The following MED15 variants were observed in gnomAD, a reference collection of about 807,000 sequenced individuals.
The protein encoded by MED15 is mediator complex subunit 15.
In MED15, 41 loss-of-function variants were observed where a neutral mutation model predicts 118.7. The observed-to-expected ratio is 0.35, with a 90% confidence interval of 0.27 to 0.45. The LOEUF is 0.45. MED15 is among the 20% of genes least tolerant of loss of function. MED15 has a pLI of 1.00. For missense variants in MED15, 740 were observed against 1,025.5 expected (o/e 0.72, Z 3.80); for synonymous variants, 436 against 413.9 (o/e 1.05, Z -0.65).
At chr22:20,535,858 C>G (rs2055055482) in intron 1 of MED15, among the ~76,000 whole-genome samples, 1 of 143,714 alleles carries the variant, frequency 7.0e-6, no homozygotes, top group South Asian at 2.2e-4. Flanking sequence ...CGTGCTCAGC[C>G]TGCTTCTTTC....
chr22:20,555,594 C>T (rs1193379845), intron 5 of MED15, among the ~76,000 whole-genome samples: 3 of 152,246 alleles, frequency 2.0e-5, no homozygotes, highest in Non-Finnish European at 2.9e-5. Context: ...TATCTTCTGG[C>T]TTCCTTTCTG....
At chr22:20,541,690 G>A (rs1490989747) in intron 2 of MED15, among the ~76,000 whole-genome samples, 3 of 141,726 alleles carry the variant, frequency 2.1e-5, no homozygotes, top group East Asian at 2.0e-4. Flanking sequence ...TCGCTCTGTC[G>A]CCAGGCTAGA....
At position 20,587,569 on chromosome 22, in the gene MED15, T is replaced by C; in HGVS notation, c.*865T>C. On this transcript the variant is annotated 3_prime_UTR_variant, in exon 18 of 18. Transcript: ENST00000263205. ...GGTGAGAAGAGGTCCCCCCTTTTTATGTGCACTACCCCACCATCTGTGATT... is the reference window on the plus strand; with the variant it reads ...GGTGAGAAGAGGTCCCCCCTTTTTACGTGCACTACCCCACCATCTGTGATT... 1 of 401,520 alleles carries C rather than the reference T, an allele frequency of 2.5e-6. No homozygotes were observed. The highest frequency in any genetic ancestry group is 4.2e-6 in the Non-Finnish European group (1 of 237,306). The allele number at this position is 401,520 out of a possible 1,614,324, so 24.9% of individuals were successfully genotyped here. A position where few individuals can be genotyped will look rare whatever the true frequency, so the allele number is the denominator to read the frequency against.
At chr22:20,568,500 A>G (rs766656818) in intron 7 of MED15, 21 bp from the exon 8 acceptor site, 61 of 1,611,824 alleles carry the variant, frequency 3.8e-5, no homozygotes, top group Non-Finnish European at 1.4e-5. Flanking sequence ...TCCAAATCAC[A>G]TTCTCTCTTT....
At position 20,560,997 on chromosome 22, in the gene MED15, A is replaced by G. The variant is rs547926579; in HGVS notation, c.452-3453A>G. 5.3e-5 allele frequency among the ~76,000 whole-genome samples: 8 copies of G among 152,286 alleles called. No individual in the cohort carries two copies. In the East Asian group the frequency reaches 1.5e-3, roughly 29 times the overall value. On this transcript the variant is annotated intron_variant, in intron 5 of 17. Coordinates refer to ENST00000263205, the MANE Select transcript of MED15 (RefSeq NM_001003891.3). ...ATCGGTTCTGTCGGGTACATATAAA[A>G]CCTACTTTAAAAAGTAGTAAATTTG...
chr22:20,555,323 A>G (rs2055953031), intron 5 of MED15, among the ~76,000 whole-genome samples, 175 bp downstream of exon 5: 1 of 152,106 alleles, frequency 6.6e-6, no homozygotes, highest in East Asian at 1.9e-4. Flanking sequence ...ATTTTCGTTG[A>G]GCTCCCAGAA....
rs570070190 is a variant in MED15 at position 20,528,567 on chromosome 22, C to T, written c.69-8550C>T. On this transcript the variant is annotated intron_variant, in intron 1 of 17. Transcript: ENST00000263205. ...CTCTGCTCACCTACTGCTGTGAGGC[C>T]TGGTTCCTAACAGCCCACAGACCTG... Among the ~76,000 whole-genome samples the T allele has an allele frequency of 1.6e-4, 25 of 152,284 alleles. No individual in the cohort carries two copies. In the East Asian group the frequency reaches 2.1e-3, roughly 13 times the overall value.
At chr22:20,584,089 T>C in intron 13 of MED15, 3 of 520,686 alleles carry the variant, frequency 5.8e-6, no homozygotes, top group Non-Finnish European at 1.0e-5. Context: ...GGGACTGGCC[T>C]ACATGACAAT....
intron 1 of MED15, among the ~76,000 whole-genome samples, chr22:20,530,584 A>G (rs955190915): frequency 6.7e-6 from 1 of 149,224 alleles, no homozygotes; most frequent in African/African-American, 2.5e-5. Flanking sequence ...TGGCAGGGGG[A>G]GCAGTGGTAA....
At chr22:20,573,850 G>A (rs1445137629) in intron 8 of MED15, 3 of 152,224 alleles carry the variant, frequency 2.0e-5, no homozygotes, top group Non-Finnish European at 4.4e-5. Context: ...CTCCTCCGAA[G>A]TGCCGCAGGT....
rs1354596770 is a variant in MED15 at position 20,585,778 on chromosome 22, G to C, written c.2182G>C (p.Asp728His). The change falls in exon 17 of 18, where the codon GAC (aspartate) becomes CAC (histidine). Residue 728 changes from aspartate (D) to histidine (H), a missense_variant. Asp to His is a moderately conservative substitution (Grantham distance 81). Around this residue, in one of 7 missense-constraint regions of MED15, gnomAD observed 179 missense variants for 259.0 expected, o/e 0.69. Transcript: ENST00000263205. ...VPPLELSVPADYPAQSPLWID... is the reference protein window; with the variant it reads ...VPPLELSVPAHYPAQSPLWID... ...ACCACTGGAGCTCAGTGTGCCCGCTGACTATCCTGCCCAAAGCCCGCTGTG... is the reference window on the plus strand; with the variant it reads ...ACCACTGGAGCTCAGTGTGCCCGCTCACTATCCTGCCCAAAGCCCGCTGTG... 6.2e-7 allele frequency: 1 copy of C among 1,613,310 alleles called. No homozygotes were observed. Among genetic ancestry groups the C allele is most frequent in the African/African-American group, 1.3e-5 (1 of 74,912 alleles).
chr22:20,585,788 C>T lies in MED15; in HGVS notation c.2192C>T (p.Ala731Val). 6.2e-7 allele frequency: 1 copy of T among 1,613,456 alleles called. No homozygotes were observed. Among genetic ancestry groups the T allele is most frequent in the East Asian group, 2.2e-5 (1 of 44,884 alleles). ...CTCAGTGTGCCCGCTGACTATCCTG[C>T]CCAAAGCCCGCTGTGGATAGACCGG... ...LELSVPADYP[A>V]QSPLWIDRQW... Residue 731 changes from alanine to valine, a missense_variant, in exon 17 of 18, where the codon GCC becomes GTC. Ala to Val is a moderately conservative substitution (Grantham distance 64). Around this residue, in one of 7 missense-constraint regions of MED15, gnomAD observed 179 missense variants for 259.0 expected, o/e 0.69. Transcript: ENST00000263205.
At chr22:20,527,420 A>G (rs1422699214) in intron 1 of MED15, among the ~76,000 whole-genome samples, 1 of 151,452 alleles carries the variant, frequency 6.6e-6, no homozygotes, top group Non-Finnish European at 1.5e-5. Context: ...ACAATGTAGT[A>G]TAATATTTAT....
chr22:20,508,631 C>T (rs1428981298), intron 1 of MED15, among the ~76,000 whole-genome samples: 3 of 151,932 alleles, frequency 2.0e-5, no homozygotes, highest in Non-Finnish European at 4.4e-5. Context: ...GGGAGAATTA[C>T]AAAGAACCTT....
In MED15 at chr22:20,515,799, T is replaced by C. The variant is rs1259149371; in HGVS notation, c.68+8053T>C. The stretch of plus-strand genomic sequence containing the variant: ...GACTCAGTCTCAAAAAAAAAAAATA[T>C]ATAGACCAACCTGGCCAAGATAATA... On this transcript the variant is annotated intron_variant, in intron 1 of 17. Transcript: ENST00000263205. Among the ~76,000 whole-genome samples, 3 of 150,004 alleles carry C rather than the reference T, an allele frequency of 2.0e-5. No individual in the cohort carries two copies. In the East Asian group the frequency reaches 5.9e-4, roughly 30 times the overall value.
chr22:20,516,363 G>T (rs955746688), intron 1 of MED15, among the ~76,000 whole-genome samples: 1 of 151,870 alleles, frequency 6.6e-6, no homozygotes, highest in Non-Finnish European at 1.5e-5. Context: ...TAAATGAATG[G>T]TTGCTGAACC....
At chr22:20,586,438 G>A (rs1047319428) in intron 17 of MED15, 130 bp from the exon 18 acceptor site, 12 of 1,373,594 alleles carry the variant, frequency 8.7e-6, no homozygotes, top group South Asian at 3.9e-5. Context: ...GCCGGGCAGC[G>A]TGCAGGACAC....
intron 7 of MED15, among the ~76,000 whole-genome samples, chr22:20,567,788 C>T (rs1474341317): frequency 6.6e-6 from 1 of 152,196 alleles, no homozygotes; most frequent in African/African-American, 2.4e-5. Context: ...TGGCGCGGGC[C>T]TGTCTCGTCC....
intron 2 of MED15, among the ~76,000 whole-genome samples, chr22:20,546,185 G>C (rs1569202955): frequency 2.0e-5 from 3 of 152,200 alleles, no homozygotes. Flanking sequence ...CAGCCCAGCT[G>C]TCCTGCAGCC....
Sources: gnomAD v4.1 joint callset for allele counts (sites outside exome capture counted in the v4.1 genomes callset) on GRCh38, gnomAD v4.1.1 for gene constraint, gnomAD v4.1.1 regional missense constraint, MANE v1.5 for transcripts, NCBI Gene and HGNC (gene_info 2026-07-23, HGNC 2026-07-21) for gene names.